The following MOXD1 variants were observed in gnomAD, a reference collection of about 807,000 sequenced individuals.
The protein encoded by MOXD1 is DBH-like monooxygenase protein 1.
Under a neutral mutation model 66.6 loss-of-function variants are expected in MOXD1, and 62 were observed. That is an observed-to-expected ratio of 0.93 (90% CI 0.76 to 1.15). MOXD1 has a LOEUF of 1.15. Among genes scored for constraint, MOXD1 ranks in the 50% most tolerant of loss-of-function variants. The pLI, the probability that MOXD1 is intolerant of heterozygous loss-of-function variation, is 0.00. For synonymous variants in MOXD1, 303 were observed against 281.9 expected (o/e 1.07, Z -0.75); for missense variants, 847 against 754.6 (o/e 1.12, Z -1.44).
In MOXD1 at chr6:132,296,901, T is replaced by A. The variant is rs1586044153; in HGVS notation, c.*252A>T. The A allele has an allele frequency of 1.7e-5, 5 of 297,658 alleles. No homozygotes were observed. Among genetic ancestry groups the A allele is most frequent in the Middle Eastern group, 9.3e-4 (1 of 1,080 alleles). The allele number at this position is 297,658 out of a possible 1,614,324, so 18.4% of individuals were successfully genotyped here. A position where few individuals can be genotyped will look rare whatever the true frequency, so the allele number is the denominator to read the frequency against. ...ATTCCCACATGACAGCCCAATTTTT[T>A]AAAATGGTTATCTTAAGTCAGGCCA... is the stretch of plus-strand genomic sequence containing the variant. On this transcript the variant is annotated 3_prime_UTR_variant, in exon 12 of 12. Coordinates refer to ENST00000367963, the MANE Select transcript of MOXD1 (RefSeq NM_015529.4).
chr6:132,306,435 A>C (rs1219931663), intron 10 of MOXD1, among the ~76,000 whole-genome samples: 2 of 152,196 alleles, frequency 1.3e-5, no homozygotes, highest in Non-Finnish European at 2.9e-5. Context: ...GCTGGAAAAC[A>C]TGCTTCGGGA....
intron 9 of MOXD1, among the ~76,000 whole-genome samples, chr6:132,318,860 A>G (rs186823788): frequency 4.3e-4 from 65 of 152,156 alleles, no homozygotes; most frequent in African/African-American, 1.3e-3. Context: ...ATTAAGACTC[A>G]GTTTTATTTA....
intron 4 of MOXD1, among the ~76,000 whole-genome samples, chr6:132,357,748 T>A (rs151107293): frequency 1.3e-5 from 2 of 152,116 alleles, no homozygotes. Flanking sequence ...AAAATGGAGA[T>A]ATAAATCTTA....
At chr6:132,366,372 G>A (rs191812253) in intron 4 of MOXD1, among the ~76,000 whole-genome samples, 4 of 152,180 alleles carry the variant, frequency 2.6e-5, no homozygotes, top group Admixed American at 2.6e-4. Flanking sequence ...GTAGTTAACA[G>A]CAAACACCTA....
At chr6:132,372,038 CA>C (rs1776272081) in intron 4 of MOXD1, among the ~76,000 whole-genome samples, 1 of 152,212 alleles carries the variant, frequency 6.6e-6, no homozygotes, top group East Asian at 1.9e-4. Flanking sequence ...TAAGTAGATG[CA>C]AAAGTTCTGG....
At chr6:132,360,492 C>T (rs1341697510) in intron 4 of MOXD1, among the ~76,000 whole-genome samples, 1 of 152,186 alleles carries the variant, frequency 6.6e-6, no homozygotes, top group Admixed American at 6.5e-5. Flanking sequence ...TGCAGTCATG[C>T]TCACCACACC....
chr6:132,384,288 TCCTC>T, intron 1 of MOXD1, among the ~76,000 whole-genome samples: 1 of 91,950 alleles, frequency 1.1e-5, no homozygotes, highest in Non-Finnish European at 2.2e-5. Flanking sequence ...CTTCCTTCCT[TCCTC>T]CTTCCTTCCT....
intron 4 of MOXD1, among the ~76,000 whole-genome samples, chr6:132,363,818 T>G (rs975013663): frequency 2.6e-5 from 4 of 152,198 alleles, no homozygotes; most frequent in Non-Finnish European, 5.9e-5. Context: ...TCATTCATAA[T>G]TTAATGTTAC....
intron 4 of MOXD1, among the ~76,000 whole-genome samples, chr6:132,367,284 A>C (rs978534454): frequency 6.6e-6 from 1 of 152,116 alleles, no homozygotes; most frequent in South Asian, 2.1e-4. Flanking sequence ...ACAGATTAGC[A>C]ATTGAGTGTT....
At chr6:132,343,992 A>G (rs1319520581) in intron 4 of MOXD1, among the ~76,000 whole-genome samples, 2 of 152,138 alleles carry the variant, frequency 1.3e-5, no homozygotes, top group Non-Finnish European at 2.9e-5. Context: ...AGTTTTTTCT[A>G]TATCTATTAA....
intron 10 of MOXD1, among the ~76,000 whole-genome samples, chr6:132,303,872 TATATATAC>T (rs1313609776): frequency 0.02 from 973 of 49,388 alleles, 21 homozygotes; most frequent in African/African-American, 0.14. Context: ...TATATATATA[TATATATAC>T]ATATATACAT....
chr6:132,301,196 TA>T (rs1324928422), intron 10 of MOXD1, among the ~76,000 whole-genome samples: 1 of 83,174 alleles, frequency 1.2e-5, no homozygotes, highest in Non-Finnish European at 2.0e-5. Context: ...AAACGAATGG[TA>T]TTATATATAT....
intron 1 of MOXD1, chr6:132,392,172 T>C: frequency 6.4e-7 from 1 of 1,555,522 alleles, no homozygotes; most frequent in Non-Finnish European, 8.7e-7. Context: ...CCACAAAGAA[T>C]GCTCACTGTT....
intron 4 of MOXD1, among the ~76,000 whole-genome samples, chr6:132,364,898 G>A (rs1776089075): frequency 6.6e-6 from 1 of 152,112 alleles, no homozygotes; most frequent in South Asian, 2.1e-4. Flanking sequence ...AGTAGGCTGA[G>A]GAGCCAAGAT....
Position 132,334,654 on chromosome 6 carries a change from C to T in MOXD1, c.664-6060G>A, listed in dbSNP as rs1422803578. Among the ~76,000 whole-genome samples the T allele has an allele frequency of 2.0e-5, 3 of 152,238 alleles. No individual in the cohort carries two copies. In the East Asian group the frequency reaches 5.8e-4, roughly 29 times the overall value. On this transcript the variant is annotated intron_variant, in intron 4 of 11. Coordinates refer to ENST00000367963, the MANE Select transcript of MOXD1 (RefSeq NM_015529.4). ...TGAAGTGGCTATCCTAAAACCTTTC[C>T]CAATTTATGCACACCTCCTAATCAG...
intron 1 of MOXD1, chr6:132,391,661 TTTA>T: frequency 8.1e-6 from 1 of 124,036 alleles, no homozygotes; most frequent in East Asian, 5.8e-4. Flanking sequence ...CACCAGTAAC[TTTA>T]TTTTAATATG....
chr6:132,373,031 T>G (rs1776300627), intron 2 of MOXD1, 34 bp from the exon 3 acceptor site: 1 of 1,566,700 alleles, frequency 6.4e-7, no homozygotes, highest in East Asian at 2.3e-5. Flanking sequence ...TTAGGTCTCA[T>G]GAGAGCACTT....
chr6:132,342,954 A>G (rs1281822521), intron 4 of MOXD1, among the ~76,000 whole-genome samples: 1 of 152,198 alleles, frequency 6.6e-6, no homozygotes, highest in South Asian at 2.1e-4. Flanking sequence ...AGGATGAAAA[A>G]CTGCAGAAAT....
chr6:132,383,247 A>T (rs1166477974), intron 1 of MOXD1, among the ~76,000 whole-genome samples: 2 of 152,208 alleles, frequency 1.3e-5, no homozygotes, highest in Non-Finnish European at 2.9e-5. Context: ...GGAATCTTTG[A>T]TCCTAAAAAA....
Sources: gnomAD v4.1 joint callset for allele counts (sites outside exome capture counted in the v4.1 genomes callset) on GRCh38, gnomAD v4.1.1 for gene constraint, MANE v1.5 for transcripts, NCBI Gene and HGNC (gene_info 2026-07-23, HGNC 2026-07-21) for gene names.